Variants in VAV3 observed in about 807,000 individuals in gnomAD.
VAV3 encodes the protein guanine nucleotide exchange factor VAV3.
In VAV3, 94 loss-of-function variants were observed where a neutral mutation model predicts 131.2. The observed-to-expected ratio is 0.72, with a 90% CI of 0.61 to 0.85. The LOEUF (loss-of-function observed/expected upper bound fraction) is 0.85, where lower values mean the gene tolerates loss of function less well. Ranked by LOEUF, VAV3 falls within the 40% of genes least tolerant of loss-of-function variation. VAV3 has a pLI of 0.00. For synonymous variants in VAV3, 349 were observed against 342.0 expected (o/e 1.02, Z -0.22); for missense variants, 939 against 1,002.7 (o/e 0.94, Z 0.86).
chr1:107,938,126 G>A (rs1015113619), intron 1 of VAV3, among the ~76,000 whole-genome samples: 1 of 152,110 alleles, frequency 6.6e-6, no homozygotes. Flanking sequence ...CAGGGCTATA[G>A]GTATTCTTGA....
rs1557760189 is a variant in VAV3 at position 107,683,803 on chromosome 1, T to C, written c.1732-270A>G. On this transcript the variant is annotated intron_variant, in intron 18 of 26. Coordinates refer to ENST00000370056, the MANE Select transcript of VAV3 (RefSeq NM_006113.5). ...CTTTTTGGTTGCCAACTCCAAATAT[T>C]GGGACTCAATTTGTTAAGTCATAGT... 2.0e-5 allele frequency among the ~76,000 whole-genome samples: 3 copies of C among 152,200 alleles called. No individual in the cohort carries two copies. The South Asian group carries it at 6.2e-4, about 32-fold the overall frequency.
chr1:107,660,770 T>C (rs1044418710), intron 19 of VAV3, among the ~76,000 whole-genome samples: 5 of 152,160 alleles, frequency 3.3e-5, no homozygotes, highest in African/African-American at 1.2e-4. Context: ...AGGCAGTTTT[T>C]CCCTTATCCT....
At chr1:107,819,343 T>C (rs992113311) in intron 2 of VAV3, among the ~76,000 whole-genome samples, 7 of 152,078 alleles carry the variant, frequency 4.6e-5, no homozygotes, top group Non-Finnish European at 7.4e-5. Context: ...CAGTTACATA[T>C]GTAATATATT....
At chr1:107,754,047 G>A (rs1663946255) in intron 12 of VAV3, among the ~76,000 whole-genome samples, 1 of 152,188 alleles carries the variant, frequency 6.6e-6, no homozygotes, top group Non-Finnish European at 1.5e-5. Flanking sequence ...ATTGAAGGCA[G>A]AACTGTAGAA....
At position 107,724,837 on chromosome 1, in the gene VAV3, A is replaced by G. The variant is rs561475147; in HGVS notation, c.1503-19776T>C. 7.9e-3 allele frequency among the ~76,000 whole-genome samples: 916 copies of G among 116,344 alleles called. 3 individuals are homozygous for G. Among genetic ancestry groups the G allele is most frequent in the African/African-American group, 0.026 (822 of 31,302 alleles). 76.3% of individuals were successfully genotyped at this position (116,344 alleles called of 152,430 possible). A position where few individuals can be genotyped will look rare whatever the true frequency, so the allele number is the denominator to read the frequency against. On this transcript the variant is annotated intron_variant, in intron 15 of 26. Coordinates refer to ENST00000370056, the MANE Select transcript of VAV3 (RefSeq NM_006113.5). ...TTGCAACACTGGATGTGGTGGGGGG[A>G]AAAAAAAAAGGCTAGAGCTGAGCAC...
intron 19 of VAV3, chr1:107,668,598 A>T: frequency 1.0e-6 from 1 of 979,456 alleles, no homozygotes; most frequent in African/African-American, 1.7e-5. Flanking sequence ...CATGGAGTAC[A>T]ATGAAATGTG....
chr1:107,809,466 C>A (rs1667215749), intron 2 of VAV3, among the ~76,000 whole-genome samples: 1 of 152,126 alleles, frequency 6.6e-6, no homozygotes, highest in Non-Finnish European at 1.5e-5. Context: ...TCTGGAAATC[C>A]TTAATATAGC....
chr1:107,598,210 G>C (rs1333636821), intron 24 of VAV3, among the ~76,000 whole-genome samples: 1 of 152,104 alleles, frequency 6.6e-6, no homozygotes, highest in Non-Finnish European at 1.5e-5. Flanking sequence ...AAAAAAGTTA[G>C]CCAGGTGTGG....
intron 4 of VAV3, 148 bp from the exon 5 acceptor site, chr1:107,772,991 T>C (rs1177379397): frequency 3.0e-6 from 2 of 672,954 alleles, no homozygotes; most frequent in Admixed American, 6.3e-5. Flanking sequence ...ATTACAACTT[T>C]GTCCCTCTTA....
rs1298723189 is a variant in VAV3, at chr1:107,571,439, C to T, written c.*1892G>A. On this transcript the variant is annotated 3_prime_UTR_variant, in exon 27 of 27. Transcript: ENST00000370056. ...AAACCCCCAGGCCCATGAAATGCAA[C>T]AGGAAGACTAAACACCATTTATAAG... The T allele has an allele frequency of 6.6e-6, 1 of 152,650 alleles. No homozygotes were observed. 9.5% of individuals were successfully genotyped at this position (152,650 alleles called of 1,614,324 possible).
chr1:107,615,645 A>G (rs1267642211), intron 21 of VAV3, among the ~76,000 whole-genome samples: 2 of 152,184 alleles, frequency 1.3e-5, no homozygotes, highest in Admixed American at 6.6e-5. Flanking sequence ...AGAAACTATC[A>G]AGAGAGTAAA....
intron 23 of VAV3, 135 bp from the exon 24 acceptor site, chr1:107,602,619 T>G: frequency 1.6e-6 from 1 of 610,554 alleles, no homozygotes; most frequent in Non-Finnish European, 2.7e-6. Context: ...GCCAATACAC[T>G]GGTGACAGCT....
chr1:107,723,216 A>T (rs190881807), intron 15 of VAV3, among the ~76,000 whole-genome samples: 2 of 152,278 alleles, frequency 1.3e-5, no homozygotes, highest in African/African-American at 4.8e-5. Flanking sequence ...AACAACAGTA[A>T]CAACAAAAAG....
intron 1 of VAV3, among the ~76,000 whole-genome samples, chr1:107,888,131 G>T (rs755399932): frequency 6.6e-6 from 1 of 151,986 alleles, no homozygotes; most frequent in African/African-American, 2.4e-5. Context: ...ATTCTTACTG[G>T]CATAATAAAA....
At chr1:107,757,365 A>C in intron 10 of VAV3, 36 bp from the exon 11 acceptor site, 1 of 1,534,058 alleles carries the variant, frequency 6.5e-7, no homozygotes, top group Non-Finnish European at 8.9e-7. Context: ...TACTTTCATC[A>C]AATTAAAACT....
At chr1:107,695,667 A>C (rs983855275) in intron 17 of VAV3, among the ~76,000 whole-genome samples, 2 of 152,148 alleles carry the variant, frequency 1.3e-5, no homozygotes, top group African/African-American at 4.8e-5. Context: ...GAGAAGTTTC[A>C]TGCACAGATG....
intron 22 of VAV3, among the ~76,000 whole-genome samples, chr1:107,604,661 A>T (rs770133792): frequency 1.3e-5 from 2 of 152,148 alleles, no homozygotes; most frequent in Non-Finnish European, 2.9e-5. Flanking sequence ...CCATCTAAAG[A>T]ATGTTGTCCT....
At chr1:107,873,863 C>A (rs1418105769) in intron 2 of VAV3, among the ~76,000 whole-genome samples, 2 of 152,122 alleles carry the variant, frequency 1.3e-5, no homozygotes, top group Non-Finnish European at 2.9e-5. Flanking sequence ...AGAACCAGGG[C>A]CTTCCCCCAC....
At chr1:107,826,514 G>A (rs1459865183) in intron 2 of VAV3, among the ~76,000 whole-genome samples, 5 of 152,252 alleles carry the variant, frequency 3.3e-5, no homozygotes, top group Non-Finnish European at 7.4e-5. Context: ...AGTAAGTGTC[G>A]TTTTTGGAAA....
Sources: gnomAD v4.1 joint callset for allele counts (sites outside exome capture counted in the v4.1 genomes callset) on GRCh38, gnomAD v4.1.1 for gene constraint, MANE v1.5 for transcripts, NCBI Gene and HGNC (gene_info 2026-07-23, HGNC 2026-07-21) for gene names.